UPRT: variants seen among roughly 807,000 people sequenced by gnomAD.
UPRT encodes the protein uracil phosphoribosyltransferase homolog, also known as RP11-311P8.3.
A neutral mutation model predicts 22.6 loss-of-function variants in UPRT; 5 were observed. The observed-to-expected ratio is 0.22, with a 90% CI of 0.12 to 0.47. UPRT has a LOEUF of 0.47. Ranked by LOEUF, UPRT falls within the 20% of genes least tolerant of loss-of-function variation. UPRT has a pLI of 0.99. For synonymous variants in UPRT, 77 were observed against 87.7 expected (o/e 0.88, Z 0.68); for missense variants, 181 against 239.9 (o/e 0.75, Z 1.62).
chrX:75,185,616 C>G (rs1363846214), intron 4 of UPRT, among the ~76,000 whole-genome samples: 1 of 111,896 alleles, frequency 8.9e-6, no homozygotes, highest in Admixed American at 9.5e-5. Flanking sequence ...CTCCTTGTAC[C>G]TCTGGTAGAA....
At chrX:75,265,837 G>T (rs2082586617) in intron 4 of UPRT, among the ~76,000 whole-genome samples, 1 of 111,238 alleles carries the variant, frequency 9.0e-6, no homozygotes, top group Non-Finnish European at 1.9e-5. Flanking sequence ...TGATGATGGT[G>T]ACATACAGAT....
chrX:75,213,618 AAG>A (rs2082385250), intron 4 of UPRT, among the ~76,000 whole-genome samples: 1 of 111,866 alleles, frequency 8.9e-6, no homozygotes, highest in Admixed American at 9.5e-5. Context: ...TATAGATAAA[AAG>A]ATAAATGGAT....
At chrX:75,206,891 C>A (rs780577826) in intron 4 of UPRT, among the ~76,000 whole-genome samples, 61 of 112,064 alleles carry the variant, frequency 5.4e-4, no homozygotes, top group Non-Finnish European at 1.0e-3. Flanking sequence ...GTCTCGATCT[C>A]CTGACCTCGT....
At chrX:75,183,997 T>C (rs1569260775) in intron 4 of UPRT, among the ~76,000 whole-genome samples, 1 of 112,388 alleles carries the variant, frequency 8.9e-6, no homozygotes, top group East Asian at 2.8e-4. Context: ...GATGGTAGTT[T>C]CTTTTGCTGT....
chrX:75,186,099 T>A (rs984276364), intron 4 of UPRT, among the ~76,000 whole-genome samples: 2 of 111,405 alleles, frequency 1.8e-5, no homozygotes, highest in Non-Finnish European at 1.9e-5. Flanking sequence ...TTCTAGTTCT[T>A]TTAATTGTGA....
At chrX:75,162,397 A>AT (rs2082202689) in intron 2 of UPRT, among the ~76,000 whole-genome samples, 2 of 111,981 alleles carry the variant, frequency 1.8e-5, no homozygotes, top group Non-Finnish European at 3.8e-5. Context: ...ATAAAGCTAT[A>AT]GATTAATAAC....
chrX:75,240,716 T>C (rs1173381067), intron 4 of UPRT, among the ~76,000 whole-genome samples: 2 of 111,802 alleles, frequency 1.8e-5, no homozygotes, highest in Non-Finnish European at 3.8e-5. Context: ...AACATGGTAT[T>C]TGTTTAAAAA....
At chrX:75,265,829 A>T (rs1471338125) in intron 4 of UPRT, among the ~76,000 whole-genome samples, 1 of 111,026 alleles carries the variant, frequency 9.0e-6, no homozygotes, top group Non-Finnish European at 1.9e-5. Context: ...TTGGTCTTTG[A>T]TGATGGTGAC....
At chrX:75,278,746 T>C (rs1382002033) in intron 1 of UPRT, among the ~76,000 whole-genome samples, 1 of 111,931 alleles carries the variant, frequency 8.9e-6, no homozygotes, top group Non-Finnish European at 1.9e-5. Context: ...TGGCATGGCC[T>C]CAGCAAGCTG....
intron 4 of UPRT, among the ~76,000 whole-genome samples, chrX:75,191,026 G>C (rs2082313045): frequency 8.9e-6 from 1 of 112,013 alleles, no homozygotes; most frequent in African/African-American, 3.2e-5. Flanking sequence ...GTGAGGAGCT[G>C]TGTTCCTTTG....
chrX:75,184,112 G>A (rs995830886), intron 4 of UPRT, among the ~76,000 whole-genome samples: 3 of 111,463 alleles, frequency 2.7e-5, no homozygotes, highest in Non-Finnish European at 5.7e-5. Flanking sequence ...CCTATGTCCT[G>A]AATGATAATG....
intron 4 of UPRT, among the ~76,000 whole-genome samples, chrX:75,246,935 A>G (rs1569273443): frequency 4.5e-5 from 5 of 112,112 alleles, no homozygotes; most frequent in Non-Finnish European, 9.4e-5. Context: ...GATTGAGAAT[A>G]AGCATGTCAC....
At chrX:75,280,124 GT>G (rs1012182932) in intron 1 of UPRT, among the ~76,000 whole-genome samples, 20 of 100,145 alleles carry the variant, frequency 2.0e-4, no homozygotes, top group African/African-American at 5.4e-4. Flanking sequence ...GGGATTGTTT[GT>G]TTTTTTTTTT....
At chrX:75,293,789 T>C (rs1243238992) in intron 2 of UPRT, among the ~76,000 whole-genome samples, 1 of 111,826 alleles carries the variant, frequency 8.9e-6, no homozygotes, top group Non-Finnish European at 1.9e-5. Flanking sequence ...GTTTCAGCAA[T>C]TCTTAAGTGC....
At chrX:75,177,840 T>C (rs2147607812) in intron 4 of UPRT, among the ~76,000 whole-genome samples, 1 of 112,100 alleles carries the variant, frequency 8.9e-6, no homozygotes, top group African/African-American at 3.2e-5. Context: ...CTGGAGTTTA[T>C]ACTAGAAGTC....
chrX:75,205,300 G>A (rs1407135883), intron 4 of UPRT, among the ~76,000 whole-genome samples: 2 of 101,096 alleles, frequency 2.0e-5, no homozygotes, highest in Admixed American at 2.4e-4. Context: ...AACCCGGGAA[G>A]CGGAACTTGC....
intron 1 of UPRT, among the ~76,000 whole-genome samples, chrX:75,156,899 T>TCACACACA (rs753344635): frequency 5.2e-3 from 515 of 99,568 alleles, no homozygotes; most frequent in Middle Eastern, 0.01. Context: ...TGGGACAGTC[T>TCACACACA]CACACACACA....
intron 4 of UPRT, among the ~76,000 whole-genome samples, chrX:75,178,218 G>A (rs183999149): frequency 1.6e-3 from 180 of 112,402 alleles, no homozygotes; most frequent in Non-Finnish European, 2.2e-3. Flanking sequence ...CCTGACACCC[G>A]TGTCTTTAGT....
intron 4 of UPRT, among the ~76,000 whole-genome samples, chrX:75,243,463 T>C (rs1414940034): frequency 9.0e-6 from 1 of 111,720 alleles, no homozygotes; most frequent in Non-Finnish European, 1.9e-5. Context: ...ATATTTTCTG[T>C]AAATGAGGAT....
Sources: allele counts gnomAD v4.1 joint callset (sites outside exome capture counted in the v4.1 genomes callset), GRCh38; gene constraint gnomAD v4.1.1; transcripts MANE v1.5; gene names NCBI Gene and HGNC (gene_info 2026-07-23, HGNC 2026-07-21).